The following SLIT2 variants were observed in gnomAD, a reference collection of about 807,000 sequenced individuals.
The protein encoded by SLIT2 is slit guidance ligand 2, also known as slit homolog 2 protein.
Under a neutral mutation model 185.7 loss-of-function variants are expected in SLIT2, and 41 were observed. That is an observed-to-expected ratio of 0.22 (90% CI 0.17 to 0.29). SLIT2 has a LOEUF of 0.29. Ranked by LOEUF, SLIT2 falls within the 10% of genes least tolerant of loss-of-function variation. SLIT2 has a pLI of 1.00. For synonymous variants in SLIT2, 693 were observed against 680.2 expected (o/e 1.02, Z -0.29); for missense variants, 1,571 against 1,909.0 (o/e 0.82, Z 3.30).
In SLIT2 at chr4:20,253,563, G is replaced by A. The variant is rs138767687; in HGVS notation, c.-253G>A. On this transcript the variant is annotated 5_prime_UTR_variant, in exon 1 of 37. Coordinates refer to ENST00000504154, the MANE Select transcript of SLIT2 (RefSeq NM_004787.4). ...GGGGTCTCCTTGCAGCCCTGGCCAGGCGGATTCATCCTCAGGACCTAAAGT... is the reference window on the plus strand; with the variant it reads ...GGGGTCTCCTTGCAGCCCTGGCCAGACGGATTCATCCTCAGGACCTAAAGT... 1,112 of 558,234 alleles carry A rather than the reference G, an allele frequency of 2.0e-3. 4 individuals carry two copies. Among genetic ancestry groups the A allele is most frequent in the Middle Eastern group, 0.017 (35 of 2,102 alleles). The allele number at this position is 558,234 out of a possible 1,614,324, so 34.6% of individuals were successfully genotyped here.
intron 4 of SLIT2, among the ~76,000 whole-genome samples, chr4:20,330,581 A>T (rs1719978443): frequency 6.6e-6 from 1 of 152,122 alleles, no homozygotes; most frequent in Non-Finnish European, 1.5e-5. Context: ...TTTGGAAAGC[A>T]TGAAGTGTCA....
intron 4 of SLIT2, among the ~76,000 whole-genome samples, chr4:20,312,330 A>G (rs1453095967): frequency 6.6e-6 from 1 of 152,194 alleles, no homozygotes; most frequent in Non-Finnish European, 1.5e-5. Context: ...ACATGATGTG[A>G]TTGTAAATTT....
At chr4:20,465,189 A>C (rs1174290673) in intron 4 of SLIT2, among the ~76,000 whole-genome samples, 1 of 152,172 alleles carries the variant, frequency 6.6e-6, no homozygotes, top group African/African-American at 2.4e-5. Context: ...AAATCCCTAA[A>C]TCTTGGCTAA....
At chr4:20,610,874 A>T (rs1056283033) in intron 34 of SLIT2, among the ~76,000 whole-genome samples, 9 of 152,210 alleles carry the variant, frequency 5.9e-5, no homozygotes, top group African/African-American at 2.2e-4. Flanking sequence ...AAGTGAAAAG[A>T]AGGCAGATGA....
rs575946856 is a variant in SLIT2 at position 20,338,312 on chromosome 4, C to T, written c.395+69431C>T. 2.0e-5 allele frequency among the ~76,000 whole-genome samples: 3 copies of T among 152,210 alleles called. No homozygotes were observed. In the South Asian group the frequency reaches 6.2e-4, roughly 32 times the overall value. On this transcript the variant is annotated intron_variant, in intron 4 of 36. Coordinates refer to ENST00000504154, the MANE Select transcript of SLIT2 (RefSeq NM_004787.4). ...AATTGTCAGTTTTATTCCATAGGTA[C>T]GTTAGTGGTCAGAATGACTTCTTTT... is the stretch of plus-strand genomic sequence containing the variant.
At chr4:20,381,701 A>G (rs1247055769) in intron 4 of SLIT2, among the ~76,000 whole-genome samples, 2 of 152,186 alleles carry the variant, frequency 1.3e-5, no homozygotes, top group Admixed American at 6.5e-5. Context: ...ACAAATGATG[A>G]GCAAACAAAC....
intron 4 of SLIT2, among the ~76,000 whole-genome samples, chr4:20,389,935 A>G (rs1725283600): frequency 1.3e-5 from 2 of 152,098 alleles, no homozygotes; most frequent in African/African-American, 4.8e-5. Context: ...ATCATCCGAT[A>G]AATACTCTCC....
chr4:20,357,209 G>A (rs549745590), intron 4 of SLIT2, among the ~76,000 whole-genome samples: 1 of 152,206 alleles, frequency 6.6e-6, no homozygotes, highest in South Asian at 2.1e-4. Flanking sequence ...AAGTTTCAAA[G>A]TCAGACACCT....
chr4:20,565,357 C>T (rs1201436107), intron 26 of SLIT2, among the ~76,000 whole-genome samples: 1 of 151,948 alleles, frequency 6.6e-6, no homozygotes, highest in Non-Finnish European at 1.5e-5. Context: ...AGGTTCTTTC[C>T]TGTAAACTAT....
At chr4:20,294,300 G>C (rs1229215600) in intron 4 of SLIT2, among the ~76,000 whole-genome samples, 1 of 150,148 alleles carries the variant, frequency 6.7e-6, no homozygotes, top group Non-Finnish European at 1.5e-5. Context: ...ACTGAGCCAA[G>C]ATCACACCAC....
chr4:20,563,755 A>G (rs898320180), intron 26 of SLIT2, among the ~76,000 whole-genome samples: 4 of 151,986 alleles, frequency 2.6e-5, no homozygotes, highest in Non-Finnish European at 5.9e-5. Flanking sequence ...CCTTTTAAAT[A>G]AAACACTTTT....
chr4:20,347,475 T>G (rs1721523968), intron 4 of SLIT2, among the ~76,000 whole-genome samples: 1 of 152,216 alleles, frequency 6.6e-6, no homozygotes, highest in South Asian at 2.1e-4. Flanking sequence ...TTACCTTACT[T>G]ATTCCTGTGG....
intron 3 of SLIT2, among the ~76,000 whole-genome samples, chr4:20,267,655 A>T (rs1323717058): frequency 1.3e-5 from 2 of 151,872 alleles, no homozygotes; most frequent in African/African-American, 4.8e-5. Flanking sequence ...TCTTCTGTAT[A>T]ATCAAATTTC....
At chr4:20,336,669 T>G (rs2109217719) in intron 4 of SLIT2, among the ~76,000 whole-genome samples, 1 of 152,082 alleles carries the variant, frequency 6.6e-6, no homozygotes, top group East Asian at 1.9e-4. Context: ...ACCCTAGAAC[T>G]TAAAGTATAA....
intron 1 of SLIT2, 79 bp from the exon 2 acceptor site, chr4:20,256,593 C>T (rs1204550618): frequency 8.4e-6 from 6 of 716,596 alleles, no homozygotes; most frequent in Non-Finnish European, 1.2e-5. Flanking sequence ...ACTTTTAGTT[C>T]TGATTTACTC....
At chr4:20,353,541 G>C (rs1433220303) in intron 4 of SLIT2, among the ~76,000 whole-genome samples, 1 of 152,010 alleles carries the variant, frequency 6.6e-6, no homozygotes, top group Non-Finnish European at 1.5e-5. Flanking sequence ...AAAACAAAAA[G>C]CGGTTATTTT....
intron 4 of SLIT2, among the ~76,000 whole-genome samples, chr4:20,332,272 A>G (rs1297872523): frequency 2.6e-5 from 4 of 152,148 alleles, no homozygotes; most frequent in East Asian, 1.9e-4. Context: ...AAAATGTGCA[A>G]GTGAAGTGGA....
At chr4:20,385,394 A>G (rs770264449) in intron 4 of SLIT2, among the ~76,000 whole-genome samples, 12 of 152,148 alleles carry the variant, frequency 7.9e-5, no homozygotes, top group Non-Finnish European at 1.3e-4. Context: ...AATATTTGTT[A>G]AATGAATTCA....
intron 26 of SLIT2, among the ~76,000 whole-genome samples, chr4:20,565,890 T>A (rs1725051582): frequency 6.6e-6 from 1 of 152,018 alleles, no homozygotes; most frequent in Non-Finnish European, 1.5e-5. Context: ...CACTATCATT[T>A]TCATGGATTT....
Sources: allele counts gnomAD v4.1 joint callset (sites outside exome capture counted in the v4.1 genomes callset), GRCh38; gene constraint gnomAD v4.1.1; transcripts MANE v1.5; gene names NCBI Gene and HGNC (gene_info 2026-07-23, HGNC 2026-07-21).